Variants in DLGAP2 observed in about 807,000 individuals in gnomAD.
DLGAP2 encodes disks large-associated protein 2.
DLGAP2 carries 26 observed loss-of-function variants against 100.3 expected under a neutral mutation model. The observed-to-expected ratio is 0.26, with a 90% CI of 0.19 to 0.36. The LOEUF (loss-of-function observed/expected upper bound fraction) is 0.36. Ranked by LOEUF, DLGAP2 falls within the 10% of genes least tolerant of loss-of-function variation. The probability of loss-of-function intolerance (pLI) is 1.00; values close to 1 mark genes in which losing one functional copy is unlikely to be tolerated. For missense variants in DLGAP2, 1,858 were observed against 1,453.2 expected, an observed-to-expected ratio of 1.28 and a Z score of -4.53; for synonymous variants, 886 against 630.1, an observed-to-expected ratio of 1.41 and a Z score of -6.08.
intron 2 of DLGAP2, among the ~76,000 whole-genome samples, chr8:1,139,395 G>A (rs554038656): frequency 1.6e-4 from 25 of 152,358 alleles, no homozygotes; most frequent in Admixed American, 3.9e-4. Flanking sequence ...CTGCAAGTCC[G>A]TGATCAAGGT....
At chr8:1,512,628 C>T (rs1388485961) in intron 4 of DLGAP2, among the ~76,000 whole-genome samples, 3 of 152,140 alleles carry the variant, frequency 2.0e-5, no homozygotes, top group Non-Finnish European at 2.9e-5. Flanking sequence ...TAAAAGCAAA[C>T]AACATGGCAG....
At chr8:919,098 G>A (rs571760585) in intron 2 of DLGAP2, among the ~76,000 whole-genome samples, 2 of 152,272 alleles carry the variant, frequency 1.3e-5, no homozygotes, top group South Asian at 4.1e-4. Flanking sequence ...CAGCTACTGT[G>A]TCTGGCCAAA....
At chr8:1,479,355 C>G (rs142334237) in intron 3 of DLGAP2, among the ~76,000 whole-genome samples, 2 of 152,254 alleles carry the variant, frequency 1.3e-5, no homozygotes, top group Non-Finnish European at 2.9e-5. Flanking sequence ...CTCAGGCACT[C>G]TGGGGACGAA....
intron 3 of DLGAP2, among the ~76,000 whole-genome samples, chr8:1,307,459 G>A (rs931694261): frequency 2.0e-5 from 3 of 152,134 alleles, no homozygotes; most frequent in Admixed American, 2.0e-4. Flanking sequence ...AAAATGATAT[G>A]GTGAGTCTTC....
intron 6 of DLGAP2, chr8:1,604,848 A>C (rs1359908980): frequency 6.6e-6 from 1 of 152,230 alleles, no homozygotes; most frequent in Non-Finnish European, 1.5e-5. Flanking sequence ...GTAAATAATA[A>C]TGAAGATACC....
intron 1 of DLGAP2, among the ~76,000 whole-genome samples, chr8:787,140 A>G (rs972987889): frequency 9.9e-5 from 15 of 152,046 alleles, no homozygotes; most frequent in Middle Eastern, 3.4e-3. Flanking sequence ...AAACCTCCCT[A>G]CCCCTCATTC....
At chr8:912,398 T>C (rs1798503298) in intron 2 of DLGAP2, among the ~76,000 whole-genome samples, 1 of 152,208 alleles carries the variant, frequency 6.6e-6, no homozygotes, top group Non-Finnish European at 1.5e-5. Context: ...AACTCCTGAC[T>C]CTGAAATCAG....
chr8:1,581,092 A>G lies in DLGAP2; in HGVS notation c.1442+15198A>G, dbSNP rs181312581. On this transcript the variant is annotated intron_variant, in intron 6 of 14. Coordinates refer to ENST00000637795, the MANE Select transcript of DLGAP2 (RefSeq NM_001346810.2). ...CACACACATCTACACACCACAGTCA[A>G]ACTACCAGAAGTGAAGGATACAGAC... Among the ~76,000 whole-genome samples, 96 of 151,926 alleles carry G rather than the reference A, an allele frequency of 6.3e-4. No homozygotes were observed. The Middle Eastern group carries it at 0.01, about 16-fold the overall frequency.
intron 3 of DLGAP2, among the ~76,000 whole-genome samples, chr8:1,367,089 C>G (rs1034914729): frequency 3.3e-5 from 5 of 152,188 alleles, no homozygotes; most frequent in African/African-American, 1.2e-4. Context: ...TACGTAGCAA[C>G]CTTTCCAACA....
chr8:1,031,154 G>T (rs1486175730), intron 2 of DLGAP2, among the ~76,000 whole-genome samples: 4 of 152,136 alleles, frequency 2.6e-5, no homozygotes, highest in Non-Finnish European at 5.9e-5. Flanking sequence ...TTGTTTTTGT[G>T]TCATGATGCC....
At chr8:1,176,083 T>A (rs1315086153) in intron 2 of DLGAP2, among the ~76,000 whole-genome samples, 1 of 152,162 alleles carries the variant, frequency 6.6e-6, no homozygotes, top group Admixed American at 6.5e-5. Flanking sequence ...ACTGGGTAAT[T>A]TATAAACAAA....
In DLGAP2 at chr8:1,048,084, C is replaced by G. The variant is rs140276679; in HGVS notation, c.73+140118C>G. ...ACCAACCTGCCTGAGTCCGAATTTC[C>G]GCTGGAAAGTATTTGACCTTGTGAG... On this transcript the variant is annotated intron_variant, in intron 2 of 14. Coordinates refer to ENST00000637795, the MANE Select transcript of DLGAP2 (RefSeq NM_001346810.2). 2.8e-3 allele frequency among the ~76,000 whole-genome samples: 426 copies of G among 152,212 alleles called. 1 individual carries two copies. Among genetic ancestry groups the G allele is most frequent in the Middle Eastern group, 6.8e-3 (2 of 294 alleles).
At chr8:1,392,754 T>A (rs185979052) in intron 3 of DLGAP2, among the ~76,000 whole-genome samples, 1 of 152,152 alleles carries the variant, frequency 6.6e-6, no homozygotes, top group East Asian at 1.9e-4. Flanking sequence ...GGCACAGTAG[T>A]GATGCTCATG....
chr8:1,449,740 C>T (rs1798084789), intron 3 of DLGAP2, among the ~76,000 whole-genome samples: 1 of 152,044 alleles, frequency 6.6e-6, no homozygotes, highest in Admixed American at 6.6e-5. Flanking sequence ...TGTAAGGATG[C>T]AGGATGCGAA....
intron 2 of DLGAP2, among the ~76,000 whole-genome samples, chr8:1,001,697 C>T (rs1007015642): frequency 6.6e-6 from 1 of 152,200 alleles, no homozygotes; most frequent in Non-Finnish European, 1.5e-5. Flanking sequence ...TCCCATGAGT[C>T]TGGCAGCAAG....
intron 3 of DLGAP2, among the ~76,000 whole-genome samples, chr8:1,417,638 G>GCAC (rs1563134099): frequency 6.7e-6 from 1 of 148,386 alleles, no homozygotes; most frequent in African/African-American, 2.5e-5. Flanking sequence ...CCTCCAGGGG[G>GCAC]GCACGGGGAG....
intron 2 of DLGAP2, among the ~76,000 whole-genome samples, chr8:986,086 C>T (rs1425754013): frequency 3.3e-5 from 5 of 151,696 alleles, no homozygotes; most frequent in African/African-American, 4.8e-5. Context: ...TTGATATCCA[C>T]GTTATTAGGG....
chr8:1,190,371 G>C (rs145829953), intron 2 of DLGAP2, among the ~76,000 whole-genome samples: 106 of 152,270 alleles, frequency 7.0e-4, no homozygotes, highest in African/African-American at 2.3e-3. Flanking sequence ...TGGCAGTTAT[G>C]TGCTTGGAGT....
In DLGAP2 at chr8:1,220,856, G is replaced by A. The variant is rs1173983948; in HGVS notation, c.74-37995G>A. On this transcript the variant is annotated intron_variant, in intron 2 of 14. Transcript: ENST00000637795. ...ATTGAACCTTTTATCATTATGTAATGCCTTTTTTGTCCTTTTTGATCATTG... is the reference window on the plus strand; with the variant it reads ...ATTGAACCTTTTATCATTATGTAATACCTTTTTTGTCCTTTTTGATCATTG... Among the ~76,000 whole-genome samples the A allele has an allele frequency of 2.7e-5, 4 of 148,650 alleles. No individual in the cohort carries two copies. The South Asian group carries it at 6.4e-4, about 24-fold the overall frequency.
Sources: gnomAD v4.1 joint callset for allele counts (sites outside exome capture counted in the v4.1 genomes callset) on GRCh38, gnomAD v4.1.1 for gene constraint, MANE v1.5 for transcripts, NCBI Gene and HGNC (gene_info 2026-07-23, HGNC 2026-07-21) for gene names.